PARVA: variants seen among roughly 807,000 people sequenced by gnomAD.
The protein encoded by PARVA is parvin alpha.
PARVA carries 25 observed loss-of-function variants against 52.6 expected under a neutral mutation model. The ratio of observed to expected loss-of-function variants is 0.48; its 90% CI spans 0.35 to 0.66. The LOEUF is 0.66. PARVA is among the 30% of genes least tolerant of loss of function. PARVA has a pLI of 0.01. For missense variants in PARVA, 373 were observed against 450.9 expected, an observed-to-expected ratio of 0.83 and a Z score of 1.56; for synonymous variants, 185 against 179.1, an observed-to-expected ratio of 1.03 and a Z score of -0.26.
chr11:12,429,269 T>G (rs905278649), intron 1 of PARVA, among the ~76,000 whole-genome samples: 1 of 152,182 alleles, frequency 6.6e-6, no homozygotes, highest in African/African-American at 2.4e-5. Flanking sequence ...CCACCATGCC[T>G]GGCTCAAAGT....
Position 12,504,715 on chromosome 11 carries a change from T to C in PARVA, c.657+286T>C, listed in dbSNP as rs148711238. ...CTGAGTTTTCTGTGTAATGTGTAGA[T>C]GAGGGTGTGCGGTATGTATGTGAGC... On this transcript the variant is annotated intron_variant, in intron 6 of 12. Coordinates refer to ENST00000334956, the MANE Select transcript of PARVA (RefSeq NM_018222.5). 2.2e-3 allele frequency among the ~76,000 whole-genome samples: 340 copies of C among 151,692 alleles called. 1 individual carries two copies. The highest frequency in any genetic ancestry group is 3.8e-3 in the Non-Finnish European group (257 of 67,910).
In PARVA at chr11:12,377,618, C is replaced by T; in HGVS notation, c.-30C>T. On this transcript the variant is annotated 5_prime_UTR_variant, in exon 1 of 13. Coordinates refer to ENST00000334956, the MANE Select transcript of PARVA (RefSeq NM_018222.5). ...TCCGCCCAGCGCCAGCTCCGCGTCC[C>T]GACCGGCCCGCGGCAGCCTGCGCCG... 3 of 1,557,438 alleles carry T rather than the reference C, an allele frequency of 1.9e-6. No homozygotes were observed. Among genetic ancestry groups the T allele is most frequent in the African/African-American group, 1.4e-5 (1 of 69,974 alleles).
At chr11:12,378,385 TTGAA>T (rs1338553357) in intron 1 of PARVA, among the ~76,000 whole-genome samples, 1 of 152,074 alleles carries the variant, frequency 6.6e-6, no homozygotes, top group Non-Finnish European at 1.5e-5. Flanking sequence ...CGAGTGTTTG[TTGAA>T]TGAATGAGCG....
intron 1 of PARVA, among the ~76,000 whole-genome samples, chr11:12,398,612 A>G (rs1388506599): frequency 6.6e-6 from 1 of 151,322 alleles, no homozygotes; most frequent in Non-Finnish European, 1.5e-5. Flanking sequence ...AGGGAGACAG[A>G]CCTAATAGCT....
chr11:12,394,926 T>C (rs2134958402), intron 1 of PARVA, among the ~76,000 whole-genome samples: 1 of 152,060 alleles, frequency 6.6e-6, no homozygotes, highest in South Asian at 2.1e-4. Context: ...ACCCCATCTC[T>C]ACTAAAAATA....
intron 1 of PARVA, among the ~76,000 whole-genome samples, chr11:12,382,701 T>C (rs1287613510): frequency 1.3e-5 from 2 of 152,238 alleles, no homozygotes; most frequent in Admixed American, 6.5e-5. Flanking sequence ...GTTAAAAGCA[T>C]GGTCTTTAGG....
At chr11:12,440,293 G>A (rs1321463925) in intron 1 of PARVA, among the ~76,000 whole-genome samples, 1 of 152,114 alleles carries the variant, frequency 6.6e-6, no homozygotes, top group Non-Finnish European at 1.5e-5. Flanking sequence ...GCAGTCATAT[G>A]TCATCACAGA....
intron 10 of PARVA, among the ~76,000 whole-genome samples, chr11:12,515,096 A>T (rs1402197644): frequency 6.6e-6 from 1 of 152,236 alleles, no homozygotes; most frequent in East Asian, 1.9e-4. Flanking sequence ...CACTCTGTCC[A>T]TTAGTCCCAC....
At chr11:12,495,848 C>A (rs1429441915) in intron 4 of PARVA, among the ~76,000 whole-genome samples, 1 of 152,146 alleles carries the variant, frequency 6.6e-6, no homozygotes, top group Non-Finnish European at 1.5e-5. Context: ...CAAGTTCATG[C>A]CCGTGGAGAC....
At chr11:12,448,294 G>A (rs1940574899) in intron 1 of PARVA, among the ~76,000 whole-genome samples, 1 of 152,202 alleles carries the variant, frequency 6.6e-6, no homozygotes, top group Non-Finnish European at 1.5e-5. Context: ...TGGGGAAGAT[G>A]CAGCCTGGCC....
chr11:12,411,387 T>G (rs1939990819), intron 1 of PARVA, among the ~76,000 whole-genome samples: 1 of 152,214 alleles, frequency 6.6e-6, no homozygotes, highest in Non-Finnish European at 1.5e-5. Flanking sequence ...TATGGTACAT[T>G]TATTATAATT....
intron 3 of PARVA, among the ~76,000 whole-genome samples, chr11:12,474,705 T>C (rs1940984224): frequency 1.3e-5 from 2 of 150,864 alleles, no homozygotes. Context: ...GGTGGATCAC[T>C]TGAAGCCTGG....
At chr11:12,484,081 A>C (rs1262197645) in intron 4 of PARVA, among the ~76,000 whole-genome samples, 1 of 152,226 alleles carries the variant, frequency 6.6e-6, no homozygotes, top group East Asian at 1.9e-4. Context: ...CACATTTCCA[A>C]ATACCTCAGT....
intron 1 of PARVA, among the ~76,000 whole-genome samples, chr11:12,426,308 G>A (rs1197535548): frequency 6.6e-6 from 1 of 152,144 alleles, no homozygotes; most frequent in Non-Finnish European, 1.5e-5. Flanking sequence ...TGAGGGAACA[G>A]CATATGCAAA....
At chr11:12,468,059 C>T (rs1470954345) in intron 1 of PARVA, among the ~76,000 whole-genome samples, 1 of 152,188 alleles carries the variant, frequency 6.6e-6, no homozygotes, top group African/African-American at 2.4e-5. Context: ...TGAAAATTTA[C>T]ATTTTCAAGG....
intron 1 of PARVA, among the ~76,000 whole-genome samples, chr11:12,417,925 C>A (rs144379817): frequency 1.3e-5 from 2 of 152,220 alleles, no homozygotes; most frequent in Admixed American, 1.3e-4. Flanking sequence ...TACAAGGCAC[C>A]CTTTCCTCCA....
chr11:12,377,520 T>G (rs747608265), upstream of PARVA: 6 of 1,423,004 alleles, frequency 4.2e-6, no homozygotes, highest in East Asian at 1.8e-4. Flanking sequence ...GAGCGTGAGC[T>G]GCCTCAAATG....
chr11:12,463,176 A>G lies in PARVA; in HGVS notation c.137-10569A>G, dbSNP rs1354669515. The stretch of plus-strand genomic sequence containing the variant: ...GGTACAATTCTTAAAATTAATGGAC[A>G]GTAGTGATATATTATTACTAACTTA... On this transcript the variant is annotated intron_variant, in intron 1 of 12. Transcript: ENST00000334956. Among the ~76,000 whole-genome samples the G allele has an allele frequency of 4.6e-5, 7 of 152,318 alleles. No individual in the cohort carries two copies. The East Asian group carries it at 9.6e-4, about 21-fold the overall frequency.
intron 7 of PARVA, among the ~76,000 whole-genome samples, chr11:12,509,468 T>C (rs1312419040): frequency 3.3e-5 from 5 of 152,106 alleles, no homozygotes; most frequent in African/African-American, 7.2e-5. Context: ...TTCGTTCCCT[T>C]GCCCTCTGTA....
Sources: allele counts gnomAD v4.1 joint callset (sites outside exome capture counted in the v4.1 genomes callset), GRCh38; gene constraint gnomAD v4.1.1; transcripts MANE v1.5; gene names NCBI Gene and HGNC (gene_info 2026-07-23, HGNC 2026-07-21).